Variants in RGS7 observed in about 807,000 individuals in gnomAD.
RGS7 encodes the protein regulator of G protein signaling 7.
In RGS7, 27 loss-of-function variants were observed where a neutral mutation model predicts 81.1. That is an observed-to-expected ratio of 0.33 (90% CI 0.25 to 0.46). The LOEUF (loss-of-function observed/expected upper bound fraction) is 0.46. Ranked by LOEUF, RGS7 falls within the 20% of genes least tolerant of loss-of-function variation. RGS7 has a pLI of 1.00. For synonymous variants in RGS7, 208 were observed against 207.7 expected (o/e 1.00, Z -0.01); for missense variants, 396 against 607.4 (o/e 0.65, Z 3.66).
intron 4 of RGS7, among the ~76,000 whole-genome samples, chr1:240,977,375 T>TTA (rs923619851): frequency 8.6e-5 from 13 of 151,780 alleles, no homozygotes; most frequent in Non-Finnish European, 1.3e-4. Flanking sequence ...TGCATGTGAA[T>TTA]TATATATATA....
At chr1:241,236,236 T>G (rs2075970390) in intron 2 of RGS7, among the ~76,000 whole-genome samples, 1 of 148,174 alleles carries the variant, frequency 6.7e-6, no homozygotes, top group African/African-American at 2.5e-5. Flanking sequence ...AGTACATACA[T>G]GTAAGCACTT....
intron 6 of RGS7, among the ~76,000 whole-genome samples, chr1:240,911,501 T>A (rs910626663): frequency 2.0e-5 from 3 of 152,188 alleles, no homozygotes; most frequent in African/African-American, 7.2e-5. Context: ...TCCACGACCA[T>A]GGCTTTAACT....
chr1:240,785,443 CCTT>C (rs1486084666), intron 18 of RGS7, among the ~76,000 whole-genome samples: 1 of 152,172 alleles, frequency 6.6e-6, no homozygotes, highest in Non-Finnish European at 1.5e-5. Context: ...CTTTTATATG[CCTT>C]CTTACGTGAT....
intron 4 of RGS7, among the ~76,000 whole-genome samples, chr1:240,974,161 A>G (rs1301544230): frequency 6.6e-6 from 1 of 152,190 alleles, no homozygotes; most frequent in South Asian, 2.1e-4. Flanking sequence ...TAAGCAAAAC[A>G]TCTGGTTGAT....
At chr1:240,907,718 TA>T (rs1267900280) in intron 6 of RGS7, among the ~76,000 whole-genome samples, 3 of 152,160 alleles carry the variant, frequency 2.0e-5, no homozygotes, top group Admixed American at 6.5e-5. Context: ...GATCAAAAAG[TA>T]AATCTTATCC....
At chr1:241,147,780 T>TTTTATATATATATATATATATATATATA (rs1428939736) in intron 2 of RGS7, among the ~76,000 whole-genome samples, 1 of 44,604 alleles carries the variant, frequency 2.2e-5, no homozygotes, top group Admixed American at 3.7e-4. Flanking sequence ...AGATTAAGTT[T>TTTTATATATATATATATATATATATATA]TATATATATA....
intron 2 of RGS7, among the ~76,000 whole-genome samples, chr1:241,339,320 G>T (rs757947248): frequency 4.6e-5 from 7 of 152,090 alleles, no homozygotes; most frequent in African/African-American, 7.2e-5. Flanking sequence ...CCATGTCTTT[G>T]CTACTGTGAA....
At chr1:240,802,855 T>G in intron 16 of RGS7, 49 bp downstream of exon 16, 2 of 1,190,342 alleles carry the variant, frequency 1.7e-6, no homozygotes, top group Non-Finnish European at 2.5e-6. Context: ...TCCAAATAAT[T>G]ATAACTGAGA....
At chr1:241,048,661 C>T (rs1320184234) in intron 3 of RGS7, among the ~76,000 whole-genome samples, 1 of 152,218 alleles carries the variant, frequency 6.6e-6, no homozygotes, top group Non-Finnish European at 1.5e-5. Context: ...AATACTGACA[C>T]TCTCCTTCTG....
intron 6 of RGS7, among the ~76,000 whole-genome samples, chr1:240,909,796 G>C (rs920298315): frequency 6.6e-6 from 1 of 152,192 alleles, no homozygotes; most frequent in African/African-American, 2.4e-5. Flanking sequence ...AGGAACTGAG[G>C]CTTTCCTGTT....
At chr1:241,174,895 G>GTTTTTTTTTTTTTTTTTT (rs551122102) in intron 2 of RGS7, among the ~76,000 whole-genome samples, 10 of 69,232 alleles carry the variant, frequency 1.4e-4, no homozygotes, top group Non-Finnish European at 1.7e-4. Flanking sequence ...ACAGAATTTT[G>GTTTTTTTTTTTTTTTTTT]TTTTTTTTTT....
chr1:241,201,561 C>T (rs1404424790), intron 2 of RGS7, among the ~76,000 whole-genome samples: 1 of 152,174 alleles, frequency 6.6e-6, no homozygotes, highest in Non-Finnish European at 1.5e-5. Flanking sequence ...CCTTAAATTT[C>T]TTCCCTGGCC....
At chr1:240,847,041 T>G (rs545184266) in intron 9 of RGS7, among the ~76,000 whole-genome samples, 16 of 152,328 alleles carry the variant, frequency 1.1e-4, no homozygotes, top group African/African-American at 3.6e-4. Context: ...TGTTGTTTTA[T>G]TCCGCTAAAT....
chr1:241,229,700 T>C (rs1218420573), intron 2 of RGS7, among the ~76,000 whole-genome samples: 1 of 152,230 alleles, frequency 6.6e-6, no homozygotes, highest in Non-Finnish European at 1.5e-5. Context: ...CTTATCAGTT[T>C]ATCATCCGAA....
chr1:241,227,962 T>G (rs1315457499), intron 2 of RGS7, among the ~76,000 whole-genome samples: 1 of 152,150 alleles, frequency 6.6e-6, no homozygotes, highest in Non-Finnish European at 1.5e-5. Context: ...AACTCTAACT[T>G]GCCTCCCTCT....
At chr1:240,959,137 T>C (rs1303445540) in intron 4 of RGS7, among the ~76,000 whole-genome samples, 1 of 152,252 alleles carries the variant, frequency 6.6e-6, no homozygotes, top group East Asian at 1.9e-4. Context: ...TGATACTGGA[T>C]ATGACTAAAG....
At chr1:241,238,815 T>A (rs963628035) in intron 2 of RGS7, among the ~76,000 whole-genome samples, 2 of 152,134 alleles carry the variant, frequency 1.3e-5, no homozygotes, top group Non-Finnish European at 2.9e-5. Flanking sequence ...AATATATGTA[T>A]AATGTCTAGA....
intron 9 of RGS7, among the ~76,000 whole-genome samples, chr1:240,851,014 G>A (rs762843353): frequency 1.2e-4 from 19 of 152,228 alleles, no homozygotes; most frequent in South Asian, 4.1e-4. Flanking sequence ...GAAGCAGCAA[G>A]TGTTGATGGA....
intron 3 of RGS7, among the ~76,000 whole-genome samples, chr1:241,064,351 C>G (rs1271868876): frequency 6.7e-6 from 1 of 148,998 alleles, no homozygotes; most frequent in African/African-American, 2.5e-5. Flanking sequence ...TTTGGGAGGC[C>G]GAGGTGGGAG....
Sources: allele counts gnomAD v4.1 joint callset (sites outside exome capture counted in the v4.1 genomes callset), GRCh38; gene constraint gnomAD v4.1.1; transcripts MANE v1.5; gene names NCBI Gene and HGNC (gene_info 2026-07-23, HGNC 2026-07-21).